Variants in MPP7 observed in about 807,000 individuals in gnomAD.
The protein encoded by MPP7 is MAGUK p55 scaffold protein 7.
Under a neutral mutation model 76.5 loss-of-function variants are expected in MPP7, and 60 were observed. The ratio of observed to expected loss-of-function variants is 0.78; its 90% CI spans 0.64 to 0.97. MPP7 has a LOEUF of 0.97. Ranked by LOEUF, MPP7 falls within the 50% of genes least tolerant of loss-of-function variation. The pLI is 0.00. For missense variants in MPP7, 641 were observed against 694.0 expected, an observed-to-expected ratio of 0.92 and a Z score of 0.86; for synonymous variants, 237 against 244.5, an observed-to-expected ratio of 0.97 and a Z score of 0.29.
chr10:28,264,443 G>A (rs1044576031), intron 1 of MPP7, among the ~76,000 whole-genome samples: 6 of 152,062 alleles, frequency 3.9e-5, no homozygotes, highest in African/African-American at 7.2e-5. Context: ...CTCAGGATGG[G>A]GCGCTGGTGG....
chr10:28,325,549 A>T (rs1010345750), intron 2 of MPP7, among the ~76,000 whole-genome samples: 2 of 151,842 alleles, frequency 1.3e-5, no homozygotes, highest in African/African-American at 4.8e-5. Context: ...GCTGGAGTGC[A>T]GTGGCGTGAT....
At chr10:28,256,310 T>C (rs1379088925) in intron 1 of MPP7, among the ~76,000 whole-genome samples, 1 of 149,748 alleles carries the variant, frequency 6.7e-6, no homozygotes, top group East Asian at 2.0e-4. Flanking sequence ...TGCCATACAT[T>C]TTCAGTTGCT....
chr10:28,328,228 A>G (rs1053499558), intron 2 of MPP7, among the ~76,000 whole-genome samples: 4 of 152,228 alleles, frequency 2.6e-5, no homozygotes, highest in Non-Finnish European at 5.9e-5. Flanking sequence ...CGAAGGTTCA[A>G]TGTTCAAATT....
At chr10:28,054,326 GT>G in intron 16 of MPP7, 82 bp from the exon 17 acceptor site, 1 of 814,124 alleles carries the variant, frequency 1.2e-6, no homozygotes, top group Non-Finnish European at 1.9e-6. Flanking sequence ...TCTACAATTG[GT>G]TTACCTAATG....
At chr10:28,186,513 T>G (rs1837242559) in intron 3 of MPP7, among the ~76,000 whole-genome samples, 1 of 152,160 alleles carries the variant, frequency 6.6e-6, no homozygotes. Context: ...TTAAAATCAT[T>G]TTACTATAGA....
intron 2 of MPP7, among the ~76,000 whole-genome samples, chr10:28,206,043 G>C (rs1837940290): frequency 1.3e-5 from 2 of 152,082 alleles, no homozygotes; most frequent in Non-Finnish European, 2.9e-5. Flanking sequence ...CCTCGATCTT[G>C]GACTTCCCAG....
At chr10:28,148,915 C>G (rs948625056) in intron 4 of MPP7, among the ~76,000 whole-genome samples, 2 of 152,044 alleles carry the variant, frequency 1.3e-5, no homozygotes, top group African/African-American at 4.8e-5. Flanking sequence ...CTTACTTGAG[C>G]AACTGTATCT....
chr10:28,121,918 A>G (rs1420828955), intron 8 of MPP7, among the ~76,000 whole-genome samples: 1 of 152,140 alleles, frequency 6.6e-6, no homozygotes, highest in Admixed American at 6.6e-5. Flanking sequence ...CTGAAAGCTG[A>G]GTTGGGAAAT....
chr10:28,103,701 CCA>C (rs143348903), intron 11 of MPP7, among the ~76,000 whole-genome samples: 1,828 of 152,138 alleles, frequency 0.012, 50 homozygotes, highest in East Asian at 0.12. Flanking sequence ...TGTTGAAACT[CCA>C]GTGCCCAGAA....
intron 2 of MPP7, among the ~76,000 whole-genome samples, chr10:28,327,089 A>C (rs1834423201): frequency 6.6e-6 from 1 of 152,140 alleles, no homozygotes; most frequent in Non-Finnish European, 1.5e-5. Context: ...AGCTGCACTG[A>C]AAAACACCAA....
At chr10:28,269,310 T>C (rs1215962987) in intron 1 of MPP7, among the ~76,000 whole-genome samples, 1 of 152,132 alleles carries the variant, frequency 6.6e-6, no homozygotes, top group Non-Finnish European at 1.5e-5. Context: ...CAACAGTGAA[T>C]GCTCAACAAA....
intron 3 of MPP7, among the ~76,000 whole-genome samples, chr10:28,180,617 A>T (rs545103575): frequency 6.6e-6 from 1 of 152,344 alleles, no homozygotes; most frequent in African/African-American, 2.4e-5. Context: ...GTTATAAATA[A>T]TATTGTGGTA....
chr10:28,243,787 C>T (rs1329880045), intron 1 of MPP7, among the ~76,000 whole-genome samples: 1 of 152,066 alleles, frequency 6.6e-6, no homozygotes, highest in Non-Finnish European at 1.5e-5. Flanking sequence ...ATAAAGGTCT[C>T]CTGTTGAGCC....
intron 7 of MPP7, 65 bp from the exon 8 acceptor site, chr10:28,124,181 G>T: frequency 9.7e-7 from 1 of 1,033,672 alleles, no homozygotes; most frequent in Non-Finnish European, 1.5e-6. Context: ...ATTTGCAGCT[G>T]TTTCCATAAG....
rs114437639 is a variant in MPP7, at chr10:28,206,727, C to T, written c.38-4456G>A. 3.7e-3 allele frequency among the ~76,000 whole-genome samples: 559 copies of T among 152,088 alleles called. 3 individuals carry two copies. Among genetic ancestry groups the T allele is most frequent in the African/African-American group, 0.012 (508 of 41,496 alleles). Reference sequence around the variant, plus strand: ...GAGATGGAGCATATTTTTGATTATTCGTGAGATGCTGTCATGGGAAATCTA... The same window carrying T: ...GAGATGGAGCATATTTTTGATTATTTGTGAGATGCTGTCATGGGAAATCTA... On this transcript the variant is annotated intron_variant, in intron 2 of 16. Coordinates refer to ENST00000683449, the MANE Select transcript of MPP7 (RefSeq NM_001318170.2).
chr10:28,073,524 C>G (rs113612151), intron 12 of MPP7, among the ~76,000 whole-genome samples: 1 of 152,110 alleles, frequency 6.6e-6, no homozygotes, highest in Non-Finnish European at 1.5e-5. Context: ...AATCCCAGCA[C>G]TTTGGGAGGC....
chr10:28,312,285 T>C (rs1194114537), intron 2 of MPP7, among the ~76,000 whole-genome samples: 1 of 152,168 alleles, frequency 6.6e-6, no homozygotes, highest in Non-Finnish European at 1.5e-5. Flanking sequence ...TCCTGCTGAT[T>C]GGTTGTGTTT....
chr10:28,258,977 G>A (rs995006082), intron 1 of MPP7, among the ~76,000 whole-genome samples: 1 of 152,158 alleles, frequency 6.6e-6, no homozygotes, highest in African/African-American at 2.4e-5. Context: ...TGTGTAACAT[G>A]TCTCAGAACT....
At position 28,269,396 on chromosome 10, in the gene MPP7, C is replaced by T. The variant is rs371431245; in HGVS notation, c.-131-30661G>A. 3.3e-5 allele frequency among the ~76,000 whole-genome samples: 5 copies of T among 152,274 alleles called. No individual in the cohort carries two copies. The East Asian group carries it at 9.6e-4, about 29-fold the overall frequency. On this transcript the variant is annotated intron_variant, in intron 1 of 16. Transcript: ENST00000683449. ...AAGCATAAATTGGGTAGTGATTATGCCCCCAAACTCTTCAGCTATTACCAC... is the reference window on the plus strand; with the variant it reads ...AAGCATAAATTGGGTAGTGATTATGTCCCCAAACTCTTCAGCTATTACCAC...
Sources: allele counts gnomAD v4.1 joint callset (sites outside exome capture counted in the v4.1 genomes callset), GRCh38; gene constraint gnomAD v4.1.1; transcripts MANE v1.5; gene names NCBI Gene and HGNC (gene_info 2026-07-23, HGNC 2026-07-21).